The following NTRK1 variants were observed in gnomAD, a reference collection of about 807,000 sequenced individuals.
NTRK1 encodes neurotrophic receptor tyrosine kinase 1.
Under a neutral mutation model 86.8 loss-of-function variants are expected in NTRK1, and 62 were observed. The observed-to-expected ratio is 0.71, with a 90% CI of 0.58 to 0.88. NTRK1 has a LOEUF of 0.88. Ranked by LOEUF, NTRK1 falls within the 40% of genes least tolerant of loss-of-function variation. NTRK1 has a pLI of 0.00. For synonymous variants in NTRK1, 469 were observed against 456.6 expected (o/e 1.03, Z -0.35); for missense variants, 967 against 1,078.4 (o/e 0.90, Z 1.45).
At chr1:156,868,050 T>C in intron 4 of NTRK1, 54 bp from the exon 5 acceptor site, 2 of 1,607,282 alleles carry the variant, frequency 1.2e-6, no homozygotes, top group Non-Finnish European at 1.7e-6. Flanking sequence ...TCTTATCCCC[T>C]GTGATCCCTC....
At chr1:156,874,346 T>C (rs2102908644) in intron 8 of NTRK1, 37 bp from the exon 9 acceptor site, 3 of 1,613,970 alleles carry the variant, frequency 1.9e-6, no homozygotes, top group Non-Finnish European at 2.5e-6. Flanking sequence ...CTTTCTCTCC[T>C]CCCTCTGACT....
At chr1:156,868,003 A>G in intron 4 of NTRK1, 101 bp from the exon 5 acceptor site, 7 of 1,311,194 alleles carry the variant, frequency 5.3e-6, no homozygotes, top group South Asian at 2.4e-5. Context: ...CCTCCCTTTC[A>G]CCTGTAGACG....
chr1:156,853,970 C>T (rs748927042), intron 2 of NTRK1: 86 of 1,612,892 alleles, frequency 5.3e-5, no homozygotes, highest in Middle Eastern at 3.3e-4. Flanking sequence ...CTTCTCCACA[C>T]GCACAGCCCC....
At chr1:156,864,643 G>A (rs558061252) in intron 2 of NTRK1, 85 bp from the exon 3 acceptor site, 20 of 1,448,792 alleles carry the variant, frequency 1.4e-5, no homozygotes, top group Non-Finnish European at 1.9e-5. Flanking sequence ...CAGCACAGGG[G>A]ACTGGGAGGC....
chr1:156,871,982 A>G (rs1338197298), intron 7 of NTRK1, among the ~76,000 whole-genome samples: 1 of 152,072 alleles, frequency 6.6e-6, no homozygotes, highest in East Asian at 1.9e-4. Context: ...CCCCTGCCCG[A>G]GCCTTGCTAC....
At chr1:156,855,519 A>T (rs1655378660) in intron 2 of NTRK1, among the ~76,000 whole-genome samples, 1 of 152,230 alleles carries the variant, frequency 6.6e-6, no homozygotes, top group African/African-American at 2.4e-5. Flanking sequence ...CATCCTAGTT[A>T]AAATTGACTT....
Position 156,881,634 on chromosome 1 carries a change from C to G in NTRK1, c.2383C>G (p.Leu795Val), listed in dbSNP as rs749041981. ...AQAPPVYLDV[L>V]G ...GGCACCTCCTGTCTACCTGGATGTC[C>G]TGGGCTAGGGGGCCGGCCCAGGGGC... The change falls in exon 17 of 17, where the codon CTG becomes GTG. Residue 795 changes from leucine (L) to valine (V), a missense_variant. Leu to Val is a conservative substitution (Grantham distance 32, BLOSUM62 1). Around this residue, in one of 2 missense-constraint regions of NTRK1, gnomAD observed 637 missense variants for 776.5 expected, o/e 0.82. Transcript: ENST00000524377. 2 of 1,606,066 alleles carry G rather than the reference C, an allele frequency of 1.2e-6. No individual in the cohort carries two copies. The highest frequency in any genetic ancestry group is 1.7e-6 in the Non-Finnish European group (2 of 1,177,004).
At chr1:156,856,209 G>A (rs1655401276), upstream of NTRK1, among the ~76,000 whole-genome samples, 1 of 151,944 alleles carries the variant, frequency 6.6e-6, no homozygotes, top group Admixed American at 6.6e-5. Context: ...GCTCCATAAG[G>A]GCAGGGATAT....
chr1:156,880,715 G>A (rs1335028127), intron 16 of NTRK1, among the ~76,000 whole-genome samples: 3 of 152,198 alleles, frequency 2.0e-5, no homozygotes, highest in Admixed American at 6.5e-5. Context: ...GAGGCTGGTG[G>A]GGTGGGGGAG....
At chr1:156,850,342 G>C (rs1655157798) in intron 2 of NTRK1, among the ~76,000 whole-genome samples, 1 of 151,864 alleles carries the variant, frequency 6.6e-6, no homozygotes, top group African/African-American at 2.4e-5. Context: ...CTCCTGAGTA[G>C]CTGGGACTAC....
intron 7 of NTRK1, among the ~76,000 whole-genome samples, chr1:156,873,230 T>C (rs1194525714): frequency 2.6e-5 from 4 of 152,022 alleles, no homozygotes; most frequent in Admixed American, 2.6e-4. Flanking sequence ...AAAATTTAAC[T>C]GTATATATTT....
At chr1:156,869,468 G>A (rs1284490064) in intron 6 of NTRK1, among the ~76,000 whole-genome samples, 1 of 151,904 alleles carries the variant, frequency 6.6e-6, no homozygotes, top group African/African-American at 2.4e-5. Context: ...GGGGTATCGT[G>A]GTCTTTTTTC....
chr1:156,858,841 G>C (rs1655504064), upstream of NTRK1: 1 of 585,228 alleles, frequency 1.7e-6, no homozygotes, highest in South Asian at 2.0e-5. Flanking sequence ...TGGAGACAGA[G>C]AGACTCAGCA....
At chr1:156,849,946 A>C (rs1473586421) in intron 2 of NTRK1, among the ~76,000 whole-genome samples, 2 of 151,344 alleles carry the variant, frequency 1.3e-5, no homozygotes, top group Admixed American at 6.6e-5. Context: ...TCTGTCATCC[A>C]GGCCAGAGTG....
chr1:156,817,553 A>G (rs1373957187), intron 1 of NTRK1, among the ~76,000 whole-genome samples: 1 of 151,974 alleles, frequency 6.6e-6, no homozygotes, highest in Non-Finnish European at 1.5e-5. Flanking sequence ...GCAATATTGG[A>G]GGAAGGAAAG....
chr1:156,876,372 C>T (rs756417267), intron 13 of NTRK1, 28 bp from the exon 14 acceptor site: 1 of 1,613,346 alleles, frequency 6.2e-7, no homozygotes, highest in South Asian at 1.1e-5. Flanking sequence ...GCCCCCAACT[C>T]AGTCCTGTCC....
chr1:156,821,233 TG>T (rs1471388992), intron 1 of NTRK1, among the ~76,000 whole-genome samples: 3 of 152,198 alleles, frequency 2.0e-5, no homozygotes, highest in Non-Finnish European at 2.9e-5. Flanking sequence ...AGGATCTTTA[TG>T]GTTGAGTCTT....
At chr1:156,869,087 C>CCTTCCTTT (rs1647388865) in intron 6 of NTRK1, among the ~76,000 whole-genome samples, 1 of 141,730 alleles carries the variant, frequency 7.1e-6, no homozygotes, top group African/African-American at 2.7e-5. Context: ...TTCCTTCCTT[C>CCTTCCTTT]CTTTTATGGA....
chr1:156,875,095 G>C (rs1447697202), intron 11 of NTRK1, 87 bp downstream of exon 11: 3 of 1,008,322 alleles, frequency 3.0e-6, no homozygotes, highest in Non-Finnish European at 4.8e-6. Context: ...TCTCTGGGGG[G>C]CTGTGCACAT....
Sources: allele counts gnomAD v4.1 joint callset (sites outside exome capture counted in the v4.1 genomes callset), GRCh38; gene constraint gnomAD v4.1.1; regional missense constraint gnomAD v4.1.1; transcripts MANE v1.5; gene names NCBI Gene and HGNC (gene_info 2026-07-23, HGNC 2026-07-21).